Variants in HIPK3 observed in about 807,000 individuals in gnomAD.
The protein encoded by HIPK3 is homeodomain interacting protein kinase 3.
HIPK3 carries 47 observed loss-of-function variants against 124.2 expected under a neutral mutation model. The ratio of observed to expected loss-of-function variants is 0.38; its 90% CI spans 0.30 to 0.48. The LOEUF (loss-of-function observed/expected upper bound fraction) is 0.48, where lower values mean the gene tolerates loss of function less well. HIPK3 is among the 20% of genes least tolerant of loss of function. HIPK3 has a pLI of 0.98. For missense variants in HIPK3, 1,286 were observed against 1,454.3 expected, an observed-to-expected ratio of 0.88 and a Z score of 1.88; for synonymous variants, 482 against 515.2, an observed-to-expected ratio of 0.94 and a Z score of 0.87.
At chr11:33,321,593 C>T (rs746869677) in intron 2 of HIPK3, among the ~76,000 whole-genome samples, 2 of 152,112 alleles carry the variant, frequency 1.3e-5, no homozygotes, top group African/African-American at 4.8e-5. Flanking sequence ...AATGTGGAAG[C>T]TGTCTTTCAA....
intron 2 of HIPK3, among the ~76,000 whole-genome samples, chr11:33,294,752 T>C (rs1460964138): frequency 6.6e-6 from 1 of 152,146 alleles, no homozygotes; most frequent in African/African-American, 2.4e-5. Flanking sequence ...ACTGCAGTCA[T>C]CAGCCACCCA....
intron 2 of HIPK3, among the ~76,000 whole-genome samples, chr11:33,311,129 T>G (rs565995979): frequency 6.6e-6 from 1 of 152,326 alleles, no homozygotes; most frequent in African/African-American, 2.4e-5. Flanking sequence ...GGGATTTTAT[T>G]CTCTCAGGTC....
In HIPK3 at chr11:33,287,275, A is replaced by G. The variant is rs763502291; in HGVS notation, c.861A>G (p.Lys287=). 3 of 1,614,144 alleles carry G rather than the reference A, an allele frequency of 1.9e-6. No individual in the cohort carries two copies. The Admixed American group carries it at 5.0e-5, about 27-fold the overall frequency. Residue 287 remains lysine (K), a synonymous_variant, in exon 2 of 17, where the codon AAA becomes AAG. Coordinates refer to ENST00000303296, the MANE Select transcript of HIPK3 (RefSeq NM_005734.5). ...MLEQNLYDFL[K]QNKFSPLPLK... The stretch of plus-strand genomic sequence containing the variant: ...AACAAAACTTGTATGACTTTCTGAA[A>G]CAAAATAAATTTAGTCCCCTGCCAC...
At chr11:33,343,244 A>ATTTT (rs1319342228) in intron 8 of HIPK3, among the ~76,000 whole-genome samples, 1 of 111,960 alleles carries the variant, frequency 8.9e-6, no homozygotes, top group African/African-American at 4.0e-5. Context: ...GGATTATTTG[A>ATTTT]TTTTGTGTGT....
chr11:33,257,465 C>T lies in HIPK3; in HGVS notation c.-427C>T, dbSNP rs1219920026. 3 of 985,700 alleles carry T rather than the reference C, an allele frequency of 3.0e-6. No homozygotes were observed. Among genetic ancestry groups the T allele is most frequent in the Non-Finnish European group, 3.6e-6 (3 of 830,330 alleles). 61.1% of individuals were successfully genotyped at this position (985,700 alleles called of 1,614,324 possible). A position where few individuals can be genotyped will look rare whatever the true frequency, so the allele number is the denominator to read the frequency against. On this transcript the variant is annotated 5_prime_UTR_variant, in exon 1 of 17. Transcript: ENST00000303296. ...CAGGCCCCGCCGTCGCCACCACTCC[C>T]GCCAGTCTTCCTTCTCCGCTCCCGG... is the stretch of plus-strand genomic sequence containing the variant.
At chr11:33,338,356 C>T (rs1050524701) in intron 4 of HIPK3, among the ~76,000 whole-genome samples, 4 of 152,218 alleles carry the variant, frequency 2.6e-5, no homozygotes, top group Non-Finnish European at 5.9e-5. Context: ...GCCTCAGCCT[C>T]CCAAGTAGCT....
In HIPK3 at chr11:33,287,232, T is replaced by C; in HGVS notation, c.818T>C (p.Leu273Ser). The change falls in exon 2 of 17, where the codon TTA (leucine) becomes TCA (serine). Residue 273 changes from leucine to serine, a missense_variant. Physicochemically the swap from Leu to Ser is moderately radical, Grantham distance 145 (BLOSUM62 -2). This residue lies in a region of HIPK3 where 251 missense variants were observed against 349.1 expected (regional missense o/e 0.72). Transcript: ENST00000303296. ...TTTCAGCACCGTAACCATACTTGTT[T>C]AGTCTTTGAGATGCTGGAACAAAAC... The part of the protein sequence containing the change: ...ECFQHRNHTC[L>S]VFEMLEQNLY... The C allele has an allele frequency of 6.2e-7, 1 of 1,614,222 alleles. No homozygotes were observed.
At chr11:33,317,274 A>ATTTTTTTTTTT (rs3028961) in intron 2 of HIPK3, among the ~76,000 whole-genome samples, 1 of 102,216 alleles carries the variant, frequency 9.8e-6, no homozygotes, top group Admixed American at 1.2e-4. Context: ...GCCTGGCCCT[A>ATTTTTTTTTTT]TTTTTTTTTT....
At position 33,302,339 on chromosome 11, in the gene HIPK3, C is replaced by CTTTTTTTTTTTTTT. The variant is rs374964013; in HGVS notation, c.1097+14830_1097+14831insTTTTTTTTTTTTTT. Among the ~76,000 whole-genome samples, 616 of 121,078 alleles carry CTTTTTTTTTTTTTT rather than the reference C, an allele frequency of 5.1e-3. 47 individuals are homozygous for CTTTTTTTTTTTTTT. Among genetic ancestry groups the CTTTTTTTTTTTTTT allele is most frequent in the Non-Finnish European group, 6.0e-3 (349 of 57,814 alleles). 79.4% of individuals were successfully genotyped at this position (121,078 alleles called of 152,430 possible). ...TGAACTTCTCTATGATAATTCCTTA[C>CTTTTTTTTTTTTTT]TTCTTTTTTTTTTTTTTGAGAAGGA... On this transcript the variant is annotated intron_variant, in intron 2 of 16. Coordinates refer to ENST00000303296, the MANE Select transcript of HIPK3 (RefSeq NM_005734.5).
At chr11:33,338,303 G>C (rs953050156) in intron 4 of HIPK3, among the ~76,000 whole-genome samples, 1 of 152,108 alleles carries the variant, frequency 6.6e-6, no homozygotes, top group African/African-American at 2.4e-5. Context: ...GCGCGATCTT[G>C]GTTCACTGCA....
chr11:33,269,835 C>T (rs181296774), intron 1 of HIPK3, among the ~76,000 whole-genome samples: 16 of 152,144 alleles, frequency 1.1e-4, no homozygotes, highest in South Asian at 6.2e-4. Context: ...GCTTTCAACC[C>T]ATATTTTGAA....
intron 15 of HIPK3, 55 bp from the exon 16 acceptor site, chr11:33,352,083 T>G (rs1853679417): frequency 1.3e-6 from 2 of 1,531,706 alleles, no homozygotes; most frequent in Admixed American, 3.7e-5. Flanking sequence ...ACTTTGCTAA[T>G]TTTTTATTTG....
At position 33,355,669 on chromosome 11, in the gene HIPK3, A is replaced by G. The variant is rs1166460829; in HGVS notation, c.*2101A>G. The G allele has an allele frequency of 2.6e-5, 4 of 151,992 alleles. No homozygotes were observed. The highest frequency in any genetic ancestry group is 4.4e-5 in the Non-Finnish European group (3 of 67,870). The allele number at this position is 151,992 out of a possible 1,614,324, so 9.4% of individuals were successfully genotyped here. ...AGCAGTGTTTTATTTAATAATCATC[A>G]ATGAAATAAATGTGCCTGAAATTGA... On this transcript the variant is annotated 3_prime_UTR_variant, in exon 17 of 17. Transcript: ENST00000303296.
intron 2 of HIPK3, among the ~76,000 whole-genome samples, chr11:33,293,725 A>G (rs1393512062): frequency 6.6e-6 from 1 of 152,188 alleles, no homozygotes; most frequent in East Asian, 1.9e-4. Context: ...TAGAAACTGT[A>G]ATATGGTCCA....
intron 1 of HIPK3, among the ~76,000 whole-genome samples, chr11:33,278,113 CT>C (rs1296145312): frequency 6.6e-6 from 1 of 152,052 alleles, no homozygotes; most frequent in Non-Finnish European, 1.5e-5. Context: ...TTTACATCTT[CT>C]TTAAAGAAAA....
chr11:33,319,483 C>T (rs1001974857), intron 2 of HIPK3, among the ~76,000 whole-genome samples: 2 of 143,978 alleles, frequency 1.4e-5, no homozygotes, highest in South Asian at 2.3e-4. Context: ...GCAAAAAGAG[C>T]GAAACTCCAT....
chr11:33,259,238 A>T (rs1450155102), intron 1 of HIPK3, among the ~76,000 whole-genome samples: 2 of 152,134 alleles, frequency 1.3e-5, no homozygotes, highest in Non-Finnish European at 2.9e-5. Flanking sequence ...CAAATTTTTG[A>T]TGAAAAGTCT....
chr11:33,319,808 T>G (rs1852612166), intron 2 of HIPK3, among the ~76,000 whole-genome samples: 1 of 152,176 alleles, frequency 6.6e-6, no homozygotes, highest in Non-Finnish European at 1.5e-5. Flanking sequence ...TATGTTCTAG[T>G]GGGGGCAGAG....
rs1853735952 is a variant in HIPK3 at position 33,353,535 on chromosome 11, T to A, written c.3615T>A (p.Ser1205Arg). 6.2e-7 allele frequency: 1 copy of A among 1,612,838 alleles called. No individual in the cohort carries two copies. The highest frequency in any genetic ancestry group is 1.3e-5 in the African/African-American group (1 of 74,966). ...CTGCATATACTGGATTTCCACTGAG[T>A]CCAACAAAACTCAGCCAGTATCCAT... Reference protein sequence around the residue: ...ASPAYTGFPLSPTKLSQYPYM With the variant: ...ASPAYTGFPLRPTKLSQYPYM The change falls in exon 17 of 17, where the codon AGT becomes AGA. Residue 1205 changes from serine to arginine, a missense_variant. Physicochemically the swap from Ser to Arg is moderately radical, Grantham distance 110. Coordinates refer to ENST00000303296, the MANE Select transcript of HIPK3 (RefSeq NM_005734.5).
Sources: allele counts gnomAD v4.1 joint callset (sites outside exome capture counted in the v4.1 genomes callset), GRCh38; gene constraint gnomAD v4.1.1; regional missense constraint gnomAD v4.1.1; transcripts MANE v1.5; gene names NCBI Gene and HGNC (gene_info 2026-07-23, HGNC 2026-07-21).